NFKBIZ: variants seen among roughly 807,000 people sequenced by gnomAD.
NFKBIZ encodes NFKB inhibitor zeta.
A neutral mutation model predicts 76.8 loss-of-function variants in NFKBIZ; 19 were observed. The observed-to-expected ratio is 0.25, with a 90% CI of 0.17 to 0.36. The LOEUF (loss-of-function observed/expected upper bound fraction) is 0.36, where lower values mean the gene tolerates loss of function less well. Among genes scored for constraint, NFKBIZ ranks in the 10% least tolerant of loss-of-function variants. NFKBIZ has a pLI of 1.00. For synonymous variants in NFKBIZ, 368 were observed against 354.8 expected, an observed-to-expected ratio of 1.04 and a Z score of -0.42; for missense variants, 829 against 910.9, an observed-to-expected ratio of 0.91 and a Z score of 1.16.
intron 9 of NFKBIZ, 93 bp downstream of exon 9, chr3:101,855,995 C>CT (rs894272297): frequency 7.5e-5 from 90 of 1,199,898 alleles, no homozygotes; most frequent in South Asian, 1.2e-4. Context: ...AAACTTCTTT[C>CT]TTTTTTTTCT....
In NFKBIZ at chr3:101,855,918, A is replaced by T; in HGVS notation, c.1824+16A>T. The T allele has an allele frequency of 6.3e-7, 1 of 1,595,620 alleles. No individual in the cohort carries two copies. The highest frequency in any genetic ancestry group is 8.5e-7 in the Non-Finnish European group (1 of 1,169,878). The stretch of plus-strand genomic sequence containing the variant: ...GGAAGCGAAGGTAAATTCACAGAAA[A>T]GGTTTAAGATGGGGTAGGGGAGAAA... On this transcript the variant is annotated intron_variant, in intron 9 of 11. Transcript: ENST00000326172.
chr3:101,853,190 A>G lies in NFKBIZ; in HGVS notation c.664A>G (p.Asn222Asp). The change falls in exon 5 of 12, where the codon AAC becomes GAC. Residue 222 changes from asparagine to aspartate, a missense_variant. Asn to Asp is a conservative substitution (Grantham distance 23). Around this residue, in one of 4 missense-constraint regions of NFKBIZ, gnomAD observed 371 missense variants for 332.3 expected, o/e 1.12. Transcript: ENST00000326172. ...SSADLLQNII[N>D]IKNECSPVSL... Reference sequence around the variant, plus strand: ...TGCTGATCTGCTTCAGAACATTATCAACATTAAGAATGAATGCAGCCCCGT... The same window carrying G: ...TGCTGATCTGCTTCAGAACATTATCGACATTAAGAATGAATGCAGCCCCGT... 6.2e-7 allele frequency: 1 copy of G among 1,614,156 alleles called. No individual in the cohort carries two copies. The highest frequency in any genetic ancestry group is 2.2e-5 in the East Asian group (1 of 44,890).
In NFKBIZ at chr3:101,860,403, C is replaced by G. The variant is rs1943114918; in HGVS notation, c.*1032C>G. 1 of 152,178 alleles carries G rather than the reference C, an allele frequency of 6.6e-6. No homozygotes were observed. Among genetic ancestry groups the G allele is most frequent in the African/African-American group, 2.4e-5 (1 of 41,422 alleles). 9.4% of individuals were successfully genotyped at this position (152,178 alleles called of 1,614,324 possible). ...CCTTGCCCAGGCTGGTCTTGAACTC[C>G]TGAGCTCATGCCATCTGCCTGCCTT... On this transcript the variant is annotated 3_prime_UTR_variant, in exon 12 of 12. Transcript: ENST00000326172.
intron 2 of NFKBIZ, among the ~76,000 whole-genome samples, chr3:101,836,965 G>A (rs1942728343): frequency 6.6e-6 from 1 of 152,080 alleles, no homozygotes; most frequent in Admixed American, 6.6e-5. Flanking sequence ...AACTTTCATA[G>A]GTTATTTGTG....
In NFKBIZ at chr3:101,854,695, G is replaced by C. The variant is rs758784837; in HGVS notation, c.1443+12G>C. The C allele has an allele frequency of 1.9e-6, 3 of 1,589,642 alleles. No individual in the cohort carries two copies. Among genetic ancestry groups the C allele is most frequent in the Admixed American group, 1.7e-5 (1 of 59,718 alleles). On this transcript the variant is annotated intron_variant, in intron 6 of 11. Coordinates refer to ENST00000326172, the MANE Select transcript of NFKBIZ (RefSeq NM_031419.4). The stretch of plus-strand genomic sequence containing the variant: ...AGCACAATGGACAGGTGAGGACCTT[G>C]ACAGAGTCTGAAATGGCAAAGAGGG...
At chr3:101,852,441 A>T (rs1190964141) in intron 2 of NFKBIZ, among the ~76,000 whole-genome samples, 16 of 152,250 alleles carry the variant, frequency 1.1e-4, no homozygotes, top group Admixed American at 1.0e-3. Context: ...AACTCAATGA[A>T]TAAATAAATG....
intron 1 of NFKBIZ, among the ~76,000 whole-genome samples, chr3:101,851,400 G>A (rs754828912): frequency 6.6e-5 from 10 of 152,206 alleles, no homozygotes; most frequent in Non-Finnish European, 1.3e-4. Context: ...TCAATGAGGG[G>A]AAATCCTGTG....
intron 6 of NFKBIZ, 134 bp from the exon 7 acceptor site, chr3:101,854,928 C>T: frequency 9.9e-7 from 1 of 1,012,436 alleles, no homozygotes; most frequent in Non-Finnish European, 1.4e-6. Context: ...CCTTGTCTTA[C>T]AGTATCTGAT....
rs185066320 is a variant in NFKBIZ, at chr3:101,852,657, G to C, written c.430-81G>C. 28 of 900,196 alleles carry C rather than the reference G, an allele frequency of 3.1e-5. No homozygotes were observed. In the East Asian group the frequency reaches 6.2e-4, roughly 20 times the overall value. The allele number at this position is 900,196 out of a possible 1,614,324, so 55.8% of individuals were successfully genotyped here. A position where few individuals can be genotyped will look rare whatever the true frequency, so the allele number is the denominator to read the frequency against. On this transcript the variant is annotated intron_variant, in intron 2 of 11. Transcript: ENST00000326172. ...GATTTATGGTAAGCTATAAAGGGTGGTAGAGATAAGCCTACTTACTGATGT... is the reference window on the plus strand; with the variant it reads ...GATTTATGGTAAGCTATAAAGGGTGCTAGAGATAAGCCTACTTACTGATGT...
chr3:101,844,247 A>G (rs990341121), intron 2 of NFKBIZ, among the ~76,000 whole-genome samples: 10 of 152,268 alleles, frequency 6.6e-5, no homozygotes, highest in African/African-American at 2.4e-4. Flanking sequence ...ATGCAGCACA[A>G]ACTTCTATGC....
Position 101,859,428 on chromosome 3 carries a change from G to A in NFKBIZ, c.*57G>A. The A allele has an allele frequency of 9.8e-6, 14 of 1,428,478 alleles. No homozygotes were observed. Among genetic ancestry groups the A allele is most frequent in the Non-Finnish European group, 1.3e-5 (13 of 1,011,078 alleles). The allele number at this position is 1,428,478 out of a possible 1,614,324, so 88.5% of individuals were successfully genotyped here. On this transcript the variant is annotated 3_prime_UTR_variant, in exon 12 of 12. Coordinates refer to ENST00000326172, the MANE Select transcript of NFKBIZ (RefSeq NM_031419.4). The stretch of plus-strand genomic sequence containing the variant: ...TCACTGTCAGTTAGGCAGTCCTGAT[G>A]TATCTGTACATAGACCATTTGCCTT...
In NFKBIZ at chr3:101,849,643, G is replaced by A; in HGVS notation, c.15G>A (p.Lys5=). 1 of 1,381,490 alleles carries A rather than the reference G, an allele frequency of 7.2e-7. No individual in the cohort carries two copies. Among genetic ancestry groups the A allele is most frequent in the East Asian group, 2.9e-5 (1 of 34,814 alleles). 85.6% of individuals were successfully genotyped at this position (1,381,490 alleles called of 1,614,324 possible). The part of the protein sequence containing the change: MIVD[K]LLDDSRGGEG... Reference sequence around the variant, plus strand: ...AGCCTGGGAGCATGATTGTGGACAAGCTGCTGGACGACAGCCGCGGCGGAG... The same window carrying A: ...AGCCTGGGAGCATGATTGTGGACAAACTGCTGGACGACAGCCGCGGCGGAG... Residue 5 remains lysine, a synonymous_variant, in exon 1 of 12, where the codon AAG becomes AAA. Transcript: ENST00000326172.
At chr3:101,859,110 A>G (rs1943098477) in intron 11 of NFKBIZ, among the ~76,000 whole-genome samples, 1 of 141,682 alleles carries the variant, frequency 7.1e-6, no homozygotes, top group Admixed American at 7.7e-5. Flanking sequence ...AAAGATTATT[A>G]TAAGAGATCT....
At chr3:101,834,601 T>C (rs982423777) in intron 2 of NFKBIZ, among the ~76,000 whole-genome samples, 1 of 152,220 alleles carries the variant, frequency 6.6e-6, no homozygotes, top group African/African-American at 2.4e-5. Flanking sequence ...CCTCAGGTGA[T>C]CCACCCGCCT....
chr3:101,855,964 C>A, intron 9 of NFKBIZ, 62 bp downstream of exon 9: 1 of 1,421,510 alleles, frequency 7.0e-7, no homozygotes, highest in South Asian at 1.4e-5. Flanking sequence ...AGCAAAAGAC[C>A]TTGCTTCCAA....
At chr3:101,848,392 A>G (rs1942884496), upstream of NFKBIZ, among the ~76,000 whole-genome samples, 3 of 152,040 alleles carry the variant, frequency 2.0e-5, no homozygotes, top group Non-Finnish European at 4.4e-5. Context: ...CCCCAATCCC[A>G]CCCATCCTTT....
At chr3:101,843,717 C>T (rs372725597) in intron 2 of NFKBIZ, among the ~76,000 whole-genome samples, 97 of 152,338 alleles carry the variant, frequency 6.4e-4, no homozygotes, top group African/African-American at 2.2e-3. Context: ...CCATTGGCCA[C>T]TTTGAATGGC....
intron 2 of NFKBIZ, among the ~76,000 whole-genome samples, chr3:101,835,711 C>T (rs1481504494): frequency 6.6e-6 from 1 of 152,186 alleles, no homozygotes; most frequent in Admixed American, 6.5e-5. Context: ...AAGGCCCCAT[C>T]TCCAAACATA....
At chr3:101,830,905 ATCTGAATTAAACTTATCAAAATACTGT>A (rs1255697938) in intron 2 of NFKBIZ, among the ~76,000 whole-genome samples, 1 of 152,260 alleles carries the variant, frequency 6.6e-6, no homozygotes, top group East Asian at 1.9e-4. Flanking sequence ...GATACCAAAT[ATCTGAATTAAACTTATCAAAATACTGT>A]TAATTACCTA....
Sources: gnomAD v4.1 joint callset for allele counts (sites outside exome capture counted in the v4.1 genomes callset) on GRCh38, gnomAD v4.1.1 for gene constraint, gnomAD v4.1.1 regional missense constraint, MANE v1.5 for transcripts, NCBI Gene and HGNC (gene_info 2026-07-23, HGNC 2026-07-21) for gene names.